RAB31: variants seen among roughly 807,000 people sequenced by gnomAD.
The protein encoded by RAB31 is ras-related protein Rab-31.
A neutral mutation model predicts 25.6 loss-of-function variants in RAB31; 21 were observed. That is an observed-to-expected ratio of 0.82 (90% CI 0.58 to 1.18). RAB31 has a LOEUF of 1.18. RAB31 is among the 50% of genes most tolerant of loss of function. The pLI is 0.00. For missense variants in RAB31, 196 were observed against 250.1 expected (o/e 0.78, Z 1.46); for synonymous variants, 87 against 84.0 (o/e 1.04, Z -0.20).
intron 1 of RAB31, among the ~76,000 whole-genome samples, chr18:9,760,051 G>T (rs1223326054): frequency 6.6e-6 from 1 of 151,898 alleles, no homozygotes; most frequent in African/African-American, 2.4e-5. Flanking sequence ...CCATTTTTTT[G>T]AAAAAGATTA....
At chr18:9,852,595 T>C (rs1253629355) in intron 6 of RAB31, among the ~76,000 whole-genome samples, 1 of 152,018 alleles carries the variant, frequency 6.6e-6, no homozygotes, top group Non-Finnish European at 1.5e-5. Flanking sequence ...TGAGTTCCTT[T>C]TTTTTTTTTC....
rs749048713 is a variant in RAB31 at position 9,708,378 on chromosome 18, AGCCCCGGCACT to A, written c.-24_-14del. ...GCGGCGGCCCCGGAGGATGCTGCTG[AGCCCCGGCACT>A]GCCTGGCTGCGAGCACATGATGGCG... On this transcript the variant is annotated 5_prime_UTR_variant, in exon 1 of 7. Transcript: ENST00000578921. This position sits in a 1 kb window ranked among gnomAD's most constrained non-coding sequence, Gnocchi z 6.4. The A allele has an allele frequency of 2.0e-6, 3 of 1,525,790 alleles. No individual in the cohort carries two copies. Among genetic ancestry groups the A allele is most frequent in the Admixed American group, 4.0e-5 (2 of 50,108 alleles). 94.5% of individuals were successfully genotyped at this position (1,525,790 alleles called of 1,614,324 possible). A position where few individuals can be genotyped will look rare whatever the true frequency, so the allele number is the denominator to read the frequency against.
At position 9,859,353 on chromosome 18, in the gene RAB31, AAGAAGC is replaced by A. The variant is rs1225351473; in HGVS notation, c.*29_*34del. ...CAAGGGCCGTGGTCCACGGTACTTG[AAGAAGC>A]CAGAGCCCACATCCTGTGCACTGCT... On this transcript the variant is annotated 3_prime_UTR_variant, in exon 7 of 7. Transcript: ENST00000578921. The A allele has an allele frequency of 1.9e-6, 3 of 1,571,304 alleles. No individual in the cohort carries two copies. The highest frequency in any genetic ancestry group is 2.7e-5 in the African/African-American group (2 of 73,792).
Position 9,751,754 on chromosome 18 carries a change from G to A in RAB31, c.40-23524G>A, listed in dbSNP as rs1200233474. 3.3e-5 allele frequency among the ~76,000 whole-genome samples: 5 copies of A among 152,244 alleles called. No homozygotes were observed. The East Asian group carries it at 9.6e-4, about 29-fold the overall frequency. ...GTTCATTTAATGATGTAACGGCAAA[G>A]TGAAGGGACAAAATGGAAAGGGGCG... On this transcript the variant is annotated intron_variant, in intron 1 of 6. Transcript: ENST00000578921.
At chr18:9,848,228 G>C (rs972460055) in intron 6 of RAB31, among the ~76,000 whole-genome samples, 12 of 152,100 alleles carry the variant, frequency 7.9e-5, no homozygotes, top group African/African-American at 2.7e-4. Flanking sequence ...CCCTCCATCT[G>C]TCTGTCCATC....
intron 6 of RAB31, among the ~76,000 whole-genome samples, chr18:9,853,165 A>G (rs2068797737): frequency 6.6e-6 from 1 of 152,116 alleles, no homozygotes; most frequent in African/African-American, 2.4e-5. Context: ...ATTTTCTCCC[A>G]AGCTGTGGCT....
intron 2 of RAB31, among the ~76,000 whole-genome samples, chr18:9,789,297 A>ATATTCTAG (rs1382419065): frequency 6.6e-6 from 1 of 152,206 alleles, no homozygotes; most frequent in African/African-American, 2.4e-5. Context: ...CGGGAGGAAA[A>ATATTCTAG]TATTCTAGTG....
chr18:9,759,431 G>A (rs1035615663), intron 1 of RAB31, among the ~76,000 whole-genome samples: 3 of 151,582 alleles, frequency 2.0e-5, no homozygotes, highest in South Asian at 2.1e-4. Context: ...TCAGCCTCCC[G>A]AAGTGTTGGG....
At chr18:9,811,969 A>G (rs1223645171) in intron 3 of RAB31, among the ~76,000 whole-genome samples, 1 of 152,238 alleles carries the variant, frequency 6.6e-6, no homozygotes, top group Non-Finnish European at 1.5e-5. Flanking sequence ...ATTTCTTACC[A>G]TTTGGGAGCT....
At chr18:9,752,862 C>T (rs990983116) in intron 1 of RAB31, among the ~76,000 whole-genome samples, 3 of 152,108 alleles carry the variant, frequency 2.0e-5, no homozygotes, top group Non-Finnish European at 4.4e-5. Context: ...GATGTTTATC[C>T]AGAATATCTG....
intron 1 of RAB31, among the ~76,000 whole-genome samples, chr18:9,722,071 G>T (rs571157435): frequency 1.3e-5 from 2 of 152,244 alleles, no homozygotes; most frequent in African/African-American, 4.8e-5. Context: ...ACTGGGGCAG[G>T]AAAGAGAAGG....
intron 1 of RAB31, among the ~76,000 whole-genome samples, chr18:9,767,670 A>C (rs1464632516): frequency 6.6e-6 from 1 of 152,214 alleles, no homozygotes; most frequent in African/African-American, 2.4e-5. Context: ...AGGATTAAGT[A>C]GTCGCGATCT....
At chr18:9,858,937 A>G (rs930707779) in intron 6 of RAB31, among the ~76,000 whole-genome samples, 3 of 152,156 alleles carry the variant, frequency 2.0e-5, no homozygotes, top group African/African-American at 4.8e-5. Context: ...AGCTGCCCCC[A>G]GGAGTGGATC....
chr18:9,813,176 T>C (rs376182521), intron 3 of RAB31, among the ~76,000 whole-genome samples: 1 of 152,330 alleles, frequency 6.6e-6, no homozygotes. Context: ...TCTGCTGTCT[T>C]GTCATTTGTG....
At chr18:9,724,552 A>G (rs4798834) in intron 1 of RAB31, among the ~76,000 whole-genome samples, 103,711 of 152,080 alleles carry the variant, frequency 0.68, 35,542 homozygotes, top group African/African-American at 0.7. Context: ...TGGGTGAAAG[A>G]AAAACAGTAA....
rs965668001 is a variant in RAB31, at chr18:9,815,209, C to A, written c.367C>A (p.Leu123Ile). The change falls in exon 5 of 7, where the codon CTC becomes ATC. Residue 123 changes from leucine (L) to isoleucine (I), a missense_variant. Physicochemically the swap from Leu to Ile is conservative, Grantham distance 5. Coordinates refer to ENST00000578921, the MANE Select transcript of RAB31 (RefSeq NM_006868.4). Reference protein sequence around the residue: ...VMAIAGNKCDLSDIREVPLKD... With the variant: ...VMAIAGNKCDISDIREVPLKD... ...GGCCATCGCTGGAAACAAGTGCGAC[C>A]TCTCAGATATTAGGTAAGATGCATT... 39 of 1,546,760 alleles carry A rather than the reference C, an allele frequency of 2.5e-5. No individual in the cohort carries two copies. The highest frequency in any genetic ancestry group is 3.3e-4 in the Middle Eastern group (2 of 6,006).
In RAB31 at chr18:9,710,682, G is replaced by A. The variant is rs137910517; in HGVS notation, c.39+2238G>A. Among the ~76,000 whole-genome samples, 546 of 152,112 alleles carry A rather than the reference G, an allele frequency of 3.6e-3. 5 individuals are homozygous for A. The highest frequency in any genetic ancestry group is 0.013 in the African/African-American group (529 of 41,514). ...AGCCTGGCCAACATGGTCAAACCCC[G>A]TCTCTATTAAAAATACAAAAAAAAG... is the stretch of plus-strand genomic sequence containing the variant. On this transcript the variant is annotated intron_variant, in intron 1 of 6. Transcript: ENST00000578921.
intron 1 of RAB31, among the ~76,000 whole-genome samples, chr18:9,758,453 C>A (rs74912975): frequency 0.014 from 2,100 of 152,090 alleles, 85 homozygotes; most frequent in East Asian, 0.11. Flanking sequence ...TCTCCTCCCC[C>A]CTCTTCCCTT....
Position 9,814,231 on chromosome 18 carries a change from A to G in RAB31, c.273+140A>G, listed in dbSNP as rs1376806913. On this transcript the variant is annotated intron_variant, in intron 4 of 6. Transcript: ENST00000578921. ...GAGTTTATTTCATGTATATGTAACA[A>G]AGCATCCCATATTTATCTGCTAAAT... 67 of 587,526 alleles carry G rather than the reference A, an allele frequency of 1.1e-4. No homozygotes were observed. The East Asian group carries it at 1.9e-3, about 16-fold the overall frequency. The allele number at this position is 587,526 out of a possible 1,614,324, so 36.4% of individuals were successfully genotyped here.
Sources: allele counts gnomAD v4.1 joint callset (sites outside exome capture counted in the v4.1 genomes callset), GRCh38; gene constraint gnomAD v4.1.1; non-coding constraint Gnocchi (gnomAD v3.1); transcripts MANE v1.5; gene names NCBI Gene and HGNC (gene_info 2026-07-23, HGNC 2026-07-21).